FAM53B: variants seen among roughly 807,000 people sequenced by gnomAD.
The protein encoded by FAM53B is family with sequence similarity 53 member B.
A neutral mutation model predicts 32.7 loss-of-function variants in FAM53B; 12 were observed. The observed-to-expected ratio is 0.37, with a 90% CI of 0.24 to 0.59. FAM53B has a LOEUF of 0.59. Ranked by LOEUF, FAM53B falls within the 20% of genes least tolerant of loss-of-function variation. FAM53B has a pLI of 0.72. For missense variants in FAM53B, 477 were observed against 577.7 expected, an observed-to-expected ratio of 0.83 and a Z score of 1.79; for synonymous variants, 234 against 228.7, an observed-to-expected ratio of 1.02 and a Z score of -0.21.
chr10:124,645,034 C>T (rs765804593), intron 4 of FAM53B, among the ~76,000 whole-genome samples: 5 of 152,192 alleles, frequency 3.3e-5, no homozygotes, highest in Non-Finnish European at 7.4e-5. Context: ...AAGGCAAGGG[C>T]GCCAAGCAGA....
At chr10:124,652,933 T>C (rs1949565548) in intron 4 of FAM53B, among the ~76,000 whole-genome samples, 1 of 152,136 alleles carries the variant, frequency 6.6e-6, no homozygotes, top group South Asian at 2.1e-4. Context: ...GCTCGACCAA[T>C]CAAAGGAGCT....
intron 4 of FAM53B, among the ~76,000 whole-genome samples, chr10:124,681,406 T>A (rs1949770453): frequency 2.6e-5 from 4 of 152,224 alleles, no homozygotes. Flanking sequence ...TGAAAGGGAA[T>A]ATTTGCTTGT....
intron 4 of FAM53B, among the ~76,000 whole-genome samples, chr10:124,635,544 A>G (rs988159056): frequency 6.6e-6 from 1 of 152,136 alleles, no homozygotes; most frequent in South Asian, 2.1e-4. Context: ...CAACTGCTGG[A>G]CCAGCCTCTA....
In FAM53B at chr10:124,621,571, A is replaced by C. The variant is rs1182246862; in HGVS notation, c.*1671T>G. 4 of 152,276 alleles carry C rather than the reference A, an allele frequency of 2.6e-5. No individual in the cohort carries two copies. Among genetic ancestry groups the C allele is most frequent in the African/African-American group, 9.6e-5 (4 of 41,474 alleles). 9.4% of individuals were successfully genotyped at this position (152,276 alleles called of 1,614,324 possible). A position where few individuals can be genotyped will look rare whatever the true frequency, so the allele number is the denominator to read the frequency against. ...GCTGTGGGGCTGGGGGCTTTCTGCC[A>C]GCTCCTTAAAGCTGATTTTTAAGAA... is the stretch of plus-strand genomic sequence containing the variant. On this transcript the variant is annotated 3_prime_UTR_variant, in exon 5 of 5. Transcript: ENST00000337318.
At chr10:124,738,884 T>G (rs1950185535) in intron 1 of FAM53B, among the ~76,000 whole-genome samples, 1 of 152,152 alleles carries the variant, frequency 6.6e-6, no homozygotes, top group Non-Finnish European at 1.5e-5. Context: ...TCCAGTGGGC[T>G]GCCAGGTTTA....
chr10:124,623,138 TCATCA>T lies in FAM53B; in HGVS notation c.*99_*103del. On this transcript the variant is annotated 3_prime_UTR_variant, in exon 5 of 5. Transcript: ENST00000337318. ...GGACCCGACACCACTCAGGAAGCTT[TCATCA>T]GGCCCACGAGTTGGGCTCCCCTTCA... The T allele has an allele frequency of 1.4e-6, 2 of 1,423,314 alleles. No individual in the cohort carries two copies. Among genetic ancestry groups the T allele is most frequent in the African/African-American group, 1.4e-5 (1 of 69,326 alleles). The allele number at this position is 1,423,314 out of a possible 1,614,324, so 88.2% of individuals were successfully genotyped here.
intron 1 of FAM53B, among the ~76,000 whole-genome samples, chr10:124,718,160 C>T (rs1950048148): frequency 6.6e-6 from 1 of 152,040 alleles, no homozygotes; most frequent in African/African-American, 2.4e-5. Context: ...GACTATATCA[C>T]ACTGGGACAT....
At chr10:124,714,352 T>A (rs1435282364) in intron 1 of FAM53B, 1 of 152,086 alleles carries the variant, frequency 6.6e-6, no homozygotes, top group East Asian at 1.9e-4. Context: ...GCTTCTATAC[T>A]ATAGTGAACA....
At chr10:124,708,601 G>A (rs1283007619) in intron 1 of FAM53B, among the ~76,000 whole-genome samples, 4 of 152,242 alleles carry the variant, frequency 2.6e-5, no homozygotes, top group East Asian at 3.8e-4. Context: ...AGCCAGAAAT[G>A]CCTGTCAGCC....
chr10:124,683,779 A>G (rs147688092), intron 3 of FAM53B, among the ~76,000 whole-genome samples: 10 of 152,346 alleles, frequency 6.6e-5, no homozygotes, highest in African/African-American at 2.4e-4. Context: ...GGGTCAGGCA[A>G]GATGGGCTCA....
chr10:124,661,070 A>AAC (rs1391345964), intron 4 of FAM53B, among the ~76,000 whole-genome samples: 3 of 151,762 alleles, frequency 2.0e-5, no homozygotes, highest in African/African-American at 7.3e-5. Flanking sequence ...AAAAAAAAAA[A>AAC]AAAAAAACAG....
intron 3 of FAM53B, 55 bp downstream of exon 3, chr10:124,696,103 G>C: frequency 6.8e-7 from 1 of 1,472,316 alleles, no homozygotes; most frequent in Non-Finnish European, 9.5e-7. Flanking sequence ...GGAGGACTCA[G>C]ACCCTGGCTG....
At chr10:124,702,753 G>A (rs949054504) in intron 2 of FAM53B, among the ~76,000 whole-genome samples, 13 of 152,278 alleles carry the variant, frequency 8.5e-5, no homozygotes, top group South Asian at 8.3e-4. Context: ...TTGGATGTTC[G>A]TCCCCTCCAA....
At chr10:124,646,084 C>T (rs1419810105) in intron 4 of FAM53B, among the ~76,000 whole-genome samples, 1 of 152,208 alleles carries the variant, frequency 6.6e-6, no homozygotes. Flanking sequence ...GGTTCTCGAC[C>T]ACAGCAATGT....
intron 1 of FAM53B, among the ~76,000 whole-genome samples, chr10:124,714,758 C>CA (rs71484584): frequency 0.071 from 6,441 of 90,622 alleles, 521 homozygotes; most frequent in African/African-American, 0.21. Context: ...GACTCCACCT[C>CA]AAAAAAAAAA....
chr10:124,729,968 A>G (rs1950130336), intron 1 of FAM53B, among the ~76,000 whole-genome samples: 1 of 152,214 alleles, frequency 6.6e-6, no homozygotes, highest in Non-Finnish European at 1.5e-5. Flanking sequence ...CAAGAGCTAC[A>G]GTTCAGCCCA....
intron 4 of FAM53B, among the ~76,000 whole-genome samples, chr10:124,666,908 G>A (rs3781451): frequency 0.27 from 40,992 of 152,176 alleles, 6,417 homozygotes; most frequent in South Asian, 0.39. Flanking sequence ...AGAGGGCACA[G>A]CCCAGAGCAC....
chr10:124,718,335 C>T (rs1950048904), intron 1 of FAM53B, among the ~76,000 whole-genome samples: 1 of 152,296 alleles, frequency 6.6e-6, no homozygotes, highest in South Asian at 2.1e-4. Flanking sequence ...TATCTACCAA[C>T]CTACAGGGTC....
At chr10:124,665,522 C>CT (rs1949664349) in intron 4 of FAM53B, among the ~76,000 whole-genome samples, 1 of 152,252 alleles carries the variant, frequency 6.6e-6, no homozygotes, top group Non-Finnish European at 1.5e-5. Context: ...AAACGTGCCC[C>CT]TCGCTTCCTA....
Sources: allele counts gnomAD v4.1 joint callset (sites outside exome capture counted in the v4.1 genomes callset), GRCh38; gene constraint gnomAD v4.1.1; transcripts MANE v1.5; gene names NCBI Gene and HGNC (gene_info 2026-07-23, HGNC 2026-07-21).